Variants in PWWP3B observed in about 807,000 individuals in gnomAD.
PWWP3B encodes PWWP domain-containing DNA repair factor 3B.
PWWP3B carries 5 observed loss-of-function variants against 15.7 expected under a neutral mutation model. That is an observed-to-expected ratio of 0.32 (90% CI 0.17 to 0.67). The LOEUF is 0.67. PWWP3B is among the 30% of genes least tolerant of loss of function. The pLI is 0.74. For missense variants in PWWP3B, 519 were observed against 493.1 expected, an observed-to-expected ratio of 1.05 and a Z score of -0.50; for synonymous variants, 203 against 179.8, an observed-to-expected ratio of 1.13 and a Z score of -1.03.
chrX:106,189,406 A>C (rs984321516), intron 2 of PWWP3B, among the ~76,000 whole-genome samples: 1 of 107,869 alleles, frequency 9.3e-6, no homozygotes, highest in Middle Eastern at 4.3e-3. Flanking sequence ...ACAGTCCCCG[A>C]TGTGTGATGT....
Position 106,186,301 on chromosome X carries a change from A to G in PWWP3B, c.-401+15162A>G, listed in dbSNP as rs745362607. On this transcript the variant is annotated intron_variant, in intron 2 of 3. Transcript: ENST00000357175. ...TCTGTTGACCTTTGGCTGAGCCCGG[A>G]AGTACAGGAAAAGCAGAAGCTTGTT... Among the ~76,000 whole-genome samples the G allele has an allele frequency of 3.2e-3, 358 of 110,853 alleles. 1 individual carries two copies. The highest frequency in any genetic ancestry group is 5.9e-3 in the Non-Finnish European group (313 of 52,994).
At chrX:106,194,750 C>T (rs1395879697) in intron 2 of PWWP3B, among the ~76,000 whole-genome samples, 1 of 111,724 alleles carries the variant, frequency 9.0e-6, no homozygotes, top group African/African-American at 3.3e-5. Context: ...TGTTAGTTTT[C>T]CTTCTAACAG....
Position 106,206,999 on chromosome X carries a change from A to C in PWWP3B, c.1567A>C (p.Arg523=). 1 of 1,210,625 alleles carries C rather than the reference A, an allele frequency of 8.3e-7. No individual in the cohort carries two copies. Among genetic ancestry groups the C allele is most frequent in the Non-Finnish European group, 1.1e-6 (1 of 894,801 alleles). Reference sequence around the variant, plus strand: ...TCCAAAGCTGCATAATGAAGATGCCAGGGAACCGATGGCTGTAACTTCCCA... The same window carrying C: ...TCCAAAGCTGCATAATGAAGATGCCCGGGAACCGATGGCTGTAACTTCCCA... ...KFPKLHNEDA[R]EPMAVTSQTK... Residue 523 remains arginine, a synonymous_variant, in exon 4 of 4, where the codon AGG becomes CGG. Transcript: ENST00000357175.
At chrX:106,177,283 C>A (rs139545664) in intron 2 of PWWP3B, 2 of 112,592 alleles carry the variant, frequency 1.8e-5, no homozygotes, top group Non-Finnish European at 3.7e-5. Flanking sequence ...CGGAGCCGCT[C>A]GGAAGGGAGC....
rs893797514 is a variant in PWWP3B, at chrX:106,185,852, A to C, written c.-401+14713A>C. Among the ~76,000 whole-genome samples the C allele has an allele frequency of 7.2e-5, 8 of 111,599 alleles. No homozygotes were observed. In the Admixed American group the frequency reaches 7.6e-4, roughly 11 times the overall value. ...ATGAATAGGAAGGATATAATTTCTG[A>C]GGCTCCCCATATCCTAGCTTCAGGA... On this transcript the variant is annotated intron_variant, in intron 2 of 3. Transcript: ENST00000357175.
chrX:106,208,630 TAGGTCACAGAAAA>T lies in PWWP3B; in HGVS notation c.*1110_*1122del, dbSNP rs1485804176. 8.1e-6 allele frequency: 1 copy of T among 124,155 alleles called. No individual in the cohort carries two copies. The highest frequency in any genetic ancestry group is 1.9e-5 in the Non-Finnish European group (1 of 53,466). 10.2% of individuals were successfully genotyped at this position (124,155 alleles called of 1,213,427 possible). A position where few individuals can be genotyped will look rare whatever the true frequency, so the allele number is the denominator to read the frequency against. ...GAACCAGAATCTGAGAATTTGGAAA[TAGGTCACAGAAAA>T]AGCCTCCATTTGGCTAAATATGACA... On this transcript the variant is annotated 3_prime_UTR_variant, in exon 4 of 4. Transcript: ENST00000357175.
intron 2 of PWWP3B, among the ~76,000 whole-genome samples, chrX:106,201,362 T>C (rs1923697446): frequency 8.9e-6 from 1 of 112,666 alleles, no homozygotes; most frequent in Non-Finnish European, 1.9e-5. Flanking sequence ...TCTATTTTAA[T>C]GGACTTGACC....
At chrX:106,178,659 A>T (rs1922026365) in intron 2 of PWWP3B, among the ~76,000 whole-genome samples, 1 of 112,159 alleles carries the variant, frequency 8.9e-6, no homozygotes, top group Non-Finnish European at 1.9e-5. Context: ...GTGATTCACT[A>T]AAAAATCACA....
intron 2 of PWWP3B, among the ~76,000 whole-genome samples, chrX:106,187,390 T>A (rs1287876863): frequency 3.6e-5 from 4 of 112,279 alleles, no homozygotes; most frequent in Non-Finnish European, 7.5e-5. Context: ...TTTATTGGCA[T>A]GTGTAAGTTT....
chrX:106,194,921 C>T (rs1923280298), intron 2 of PWWP3B, among the ~76,000 whole-genome samples: 1 of 111,292 alleles, frequency 9.0e-6, no homozygotes, highest in African/African-American at 3.3e-5. Context: ...CAGAGCAGTA[C>T]CCGGCCGTAT....
In PWWP3B at chrX:106,189,145, A is replaced by T. The variant is rs145977642; in HGVS notation, c.-400-14840A>T. On this transcript the variant is annotated intron_variant, in intron 2 of 3. Transcript: ENST00000357175. ...TGTATGAGAGTTCCAGTTGATACAC[A>T]TCATTGCTAGAAGTCGATACTGTCT... Among the ~76,000 whole-genome samples the T allele has an allele frequency of 4.3e-4, 48 of 112,409 alleles. No homozygotes were observed. In the East Asian group the frequency reaches 0.012, roughly 29 times the overall value.
At chrX:106,193,989 C>T (rs1234117269) in intron 2 of PWWP3B, among the ~76,000 whole-genome samples, 1 of 111,558 alleles carries the variant, frequency 9.0e-6, no homozygotes, top group Non-Finnish European at 1.9e-5. Context: ...TCCTTCATTT[C>T]AACTTTGGTT....
At chrX:106,187,167 A>G (rs1215379939) in intron 2 of PWWP3B, among the ~76,000 whole-genome samples, 1 of 111,290 alleles carries the variant, frequency 9.0e-6, no homozygotes, top group Non-Finnish European at 1.9e-5. Context: ...CCCAGGGCAA[A>G]CCCCAGATGG....
chrX:106,193,022 A>C (rs1212232124), intron 2 of PWWP3B, among the ~76,000 whole-genome samples: 1 of 111,206 alleles, frequency 9.0e-6, no homozygotes, highest in Admixed American at 9.6e-5. Context: ...TATTTTGTTG[A>C]TTTAGGGTGG....
intron 2 of PWWP3B, among the ~76,000 whole-genome samples, chrX:106,186,528 G>A (rs900000608): frequency 9.0e-6 from 1 of 111,208 alleles, no homozygotes; most frequent in Non-Finnish European, 1.9e-5. Flanking sequence ...GGTACTCACC[G>A]CTTAGTGATA....
rs765953433 is a variant in PWWP3B at position 106,196,842 on chromosome X, G to T, written c.-400-7143G>T. Among the ~76,000 whole-genome samples, 13 of 111,794 alleles carry T rather than the reference G, an allele frequency of 1.2e-4. No homozygotes were observed. In the South Asian group the frequency reaches 4.9e-3, roughly 42 times the overall value. On this transcript the variant is annotated intron_variant, in intron 2 of 3. Transcript: ENST00000357175. Reference sequence around the variant, plus strand: ...TTTTTCCTCCTTTCCTCACATAATTGTCATCTGGCTTGCATAACTTATATT... The same window carrying T: ...TTTTTCCTCCTTTCCTCACATAATTTTCATCTGGCTTGCATAACTTATATT...
chrX:106,207,542 C>A lies in PWWP3B; in HGVS notation c.*19C>A. On this transcript the variant is annotated 3_prime_UTR_variant, in exon 4 of 4. Coordinates refer to ENST00000357175, the MANE Select transcript of PWWP3B (RefSeq NM_001171020.2). ...TCACTAAATGTGCTGAAAGTTGAAA[C>A]CATGACAGGGAGCTCTCATAGATAC... is the stretch of plus-strand genomic sequence containing the variant. 1 of 1,120,232 alleles carries A rather than the reference C, an allele frequency of 8.9e-7. No individual in the cohort carries two copies. The highest frequency in any genetic ancestry group is 1.2e-6 in the Non-Finnish European group (1 of 853,658). The allele number at this position is 1,120,232 out of a possible 1,213,427, so 92.3% of individuals were successfully genotyped here.
rs367819950 is a variant in PWWP3B, at chrX:106,179,118, A to G, written c.-401+7979A>G. ...ACTATTTTTATGAAGTGAGCAAACA[A>G]AACAATGAAATGTATTTTATTATCA... On this transcript the variant is annotated intron_variant, in intron 2 of 3. Coordinates refer to ENST00000357175, the MANE Select transcript of PWWP3B (RefSeq NM_001171020.2). Among the ~76,000 whole-genome samples, 6 of 112,189 alleles carry G rather than the reference A, an allele frequency of 5.3e-5. No homozygotes were observed. In the East Asian group the frequency reaches 1.1e-3, roughly 21 times the overall value.
intron 2 of PWWP3B, among the ~76,000 whole-genome samples, chrX:106,172,692 A>G (rs760359886): frequency 1.8e-5 from 2 of 111,172 alleles, no homozygotes; most frequent in Non-Finnish European, 3.8e-5. Context: ...TTTTACGGTT[A>G]GCATTTTTTT....
Sources: allele counts gnomAD v4.1 joint callset (sites outside exome capture counted in the v4.1 genomes callset), GRCh38; gene constraint gnomAD v4.1.1; transcripts MANE v1.5; gene names NCBI Gene and HGNC (gene_info 2026-07-23, HGNC 2026-07-21).